The following HSH2D variants were observed in gnomAD, a reference collection of about 807,000 sequenced individuals.
The protein encoded by HSH2D is hematopoietic SH2 domain-containing protein.
A neutral mutation model predicts 21.5 loss-of-function variants in HSH2D; 16 were observed. The ratio of observed to expected loss-of-function variants is 0.74; its 90% CI spans 0.50 to 1.13. The LOEUF is 1.13. HSH2D is among the 50% of genes most tolerant of loss of function. The probability of loss-of-function intolerance (pLI) is 0.00; values close to 1 mark genes in which losing one functional copy is unlikely to be tolerated. For synonymous variants in HSH2D, 172 were observed against 184.7 expected (o/e 0.93, Z 0.56); for missense variants, 418 against 441.4 (o/e 0.95, Z 0.47).
intron 4 of HSH2D, among the ~76,000 whole-genome samples, chr19:16,153,591 G>A (rs2091194658): frequency 7.4e-6 from 1 of 136,014 alleles, no homozygotes; most frequent in Admixed American, 7.2e-5. Context: ...TGTGGGTGGA[G>A]CATCTTTCCT....
Position 16,157,785 on chromosome 19 carries a change from G to C in HSH2D, c.1050G>C (p.Gly350=), listed in dbSNP as rs373007965. 1 of 1,598,844 alleles carries C rather than the reference G, an allele frequency of 6.3e-7. No homozygotes were observed. Among genetic ancestry groups the C allele is most frequent in the Admixed American group, 1.7e-5 (1 of 58,864 alleles). ...AACAACCGCCACCCTTTGCCCCTGG[G>C]TACTGCTAGAGAACAGGTCCACCCT... ...EYQQPPPFAP[G]YC The change falls in exon 6 of 6, where the codon GGG becomes GGC. Residue 350 remains glycine, a synonymous_variant. Coordinates refer to ENST00000613986, the MANE Select transcript of HSH2D (RefSeq NM_001382417.1). This position sits in a 1 kb window ranked among gnomAD's most constrained non-coding sequence, Gnocchi z 4.4.
Position 16,157,610 on chromosome 19 carries a change from A to G in HSH2D, c.875A>G (p.Lys292Arg), listed in dbSNP as rs199804128. The change falls in exon 6 of 6, where the codon AAG becomes AGG. Residue 292 changes from lysine (K) to arginine (R), a missense_variant. Lys to Arg is a conservative substitution (Grantham distance 26). Transcript: ENST00000613986. The surrounding 1 kb of genome is among the most constrained non-coding windows in gnomAD (Gnocchi z 4.4). ...AAAGACAGAAAGGTCCCCACCAGGAAGGCCGAGAGGTCGGTCAGCTGCATT... is the reference window on the plus strand; with the variant it reads ...AAAGACAGAAAGGTCCCCACCAGGAGGGCCGAGAGGTCGGTCAGCTGCATT... ...APKDRKVPTR[K>R]AERSVSCIEV... The G allele has an allele frequency of 4.7e-3, 7,529 of 1,613,848 alleles. 38 individuals carry two copies. Among genetic ancestry groups the G allele is most frequent in the Middle Eastern group, 0.012 (72 of 6,060 alleles).
At chr19:16,137,458 T>A (rs2090971645) in intron 1 of HSH2D, among the ~76,000 whole-genome samples, 1 of 151,684 alleles carries the variant, frequency 6.6e-6, no homozygotes, top group African/African-American at 2.4e-5. Context: ...TGAAACCCCG[T>A]CTCTACTAAA....
upstream of HSH2D, among the ~76,000 whole-genome samples, chr19:16,143,037 G>A (rs2091015814): frequency 6.6e-6 from 1 of 152,160 alleles, no homozygotes; most frequent in Admixed American, 6.5e-5. Context: ...CCAAAGTGCT[G>A]GGATTACAGG....
chr19:16,140,665 A>G (rs190669958), upstream of HSH2D, among the ~76,000 whole-genome samples: 17 of 152,250 alleles, frequency 1.1e-4, no homozygotes, highest in Admixed American at 9.8e-4. Flanking sequence ...TGGGAGGCTG[A>G]GGCGGGAGGA....
Position 16,154,632 on chromosome 19 carries a change from T to C in HSH2D, c.474+141T>C, listed in dbSNP as rs139274114. 531 of 544,614 alleles carry C rather than the reference T, an allele frequency of 9.8e-4. 2 individuals carry two copies. The highest frequency in any genetic ancestry group is 9.4e-3 in the African/African-American group (488 of 52,180). The allele number at this position is 544,614 out of a possible 1,614,324, so 33.7% of individuals were successfully genotyped here. A position where few individuals can be genotyped will look rare whatever the true frequency, so the allele number is the denominator to read the frequency against. The stretch of plus-strand genomic sequence containing the variant: ...GTGCTTTAAACCTTTCCAGTGCTTT[T>C]GCAACACCGAGATTAAAATTCAAAC... On this transcript the variant is annotated intron_variant, in intron 5 of 5. Transcript: ENST00000613986.
At chr19:16,136,196 A>G (rs1433008250) in intron 1 of HSH2D, among the ~76,000 whole-genome samples, 2 of 152,148 alleles carry the variant, frequency 1.3e-5, no homozygotes, top group African/African-American at 4.8e-5. Context: ...CTAAAACTCA[A>G]AAGTCACCCC....
intron 3 of HSH2D, 141 bp downstream of exon 3, chr19:16,152,782 C>A: frequency 1.3e-6 from 1 of 777,486 alleles, no homozygotes; most frequent in Non-Finnish European, 2.2e-6. Context: ...AGCTGCTAGC[C>A]AAGCAATGAG....
At chr19:16,149,706 G>A (rs1599419337) in intron 2 of HSH2D, among the ~76,000 whole-genome samples, 1 of 150,944 alleles carries the variant, frequency 6.6e-6, no homozygotes, top group East Asian at 2.0e-4. Flanking sequence ...CCTGCCTCAT[G>A]AGTAGCTGGG....
chr19:16,138,538 C>T (rs1322121014), intron 1 of HSH2D, among the ~76,000 whole-genome samples: 1 of 149,370 alleles, frequency 6.7e-6, no homozygotes, highest in South Asian at 2.1e-4. Flanking sequence ...GCTCACTGCA[C>T]CCTCCGCCTC....
chr19:16,150,717 G>A (rs1388354934), intron 2 of HSH2D, among the ~76,000 whole-genome samples: 2 of 151,784 alleles, frequency 1.3e-5, no homozygotes, highest in Admixed American at 6.6e-5. Flanking sequence ...AAATTAGCCA[G>A]GCGTGTGGAA....
At chr19:16,147,659 G>A (rs1282770871) in intron 1 of HSH2D, among the ~76,000 whole-genome samples, 1 of 149,230 alleles carries the variant, frequency 6.7e-6, no homozygotes, top group Non-Finnish European at 1.5e-5. Flanking sequence ...GTTTTGTTTT[G>A]TTTTGAGACG....
chr19:16,157,931 T>C lies in HSH2D; in HGVS notation c.*137T>C, dbSNP rs370657637. 5.3e-4 allele frequency: 341 copies of C among 648,888 alleles called. 3 individuals carry two copies. In the South Asian group the frequency reaches 6.4e-3, roughly 12 times the overall value. The allele number at this position is 648,888 out of a possible 1,614,324, so 40.2% of individuals were successfully genotyped here. On this transcript the variant is annotated 3_prime_UTR_variant, in exon 6 of 6. Transcript: ENST00000613986. This position sits in a 1 kb window ranked among gnomAD's most constrained non-coding sequence, Gnocchi z 4.4. ...CCCGGGAAATGGAATAAAGATGTTT[T>C]TGGGGTCTGTTCCTGCACTCACCCA...
chr19:16,148,678 A>G, intron 1 of HSH2D, 46 bp from the exon 2 acceptor site: 8 of 1,564,092 alleles, frequency 5.1e-6, no homozygotes, highest in Non-Finnish European at 7.0e-6. Flanking sequence ...CAAAGATAAG[A>G]GGTGCATCAA....
chr19:16,134,935 G>C (rs1188645005), intron 1 of HSH2D, among the ~76,000 whole-genome samples: 1 of 143,768 alleles, frequency 7.0e-6, no homozygotes, highest in East Asian at 2.2e-4. Flanking sequence ...GACCATCCTG[G>C]ACAACATAGT....
chr19:16,148,669 A>G, intron 1 of HSH2D, 55 bp from the exon 2 acceptor site: 1 of 1,553,054 alleles, frequency 6.4e-7, no homozygotes, highest in Non-Finnish European at 8.9e-7. Flanking sequence ...AGAATAGAGC[A>G]AAGATAAGAG....
intron 1 of HSH2D, among the ~76,000 whole-genome samples, chr19:16,145,914 A>G (rs1464051784): frequency 6.6e-6 from 1 of 152,036 alleles, no homozygotes; most frequent in East Asian, 1.9e-4. Flanking sequence ...CATCCCTGCT[A>G]AAAATACAAA....
rs776093953 is a variant in HSH2D at position 16,157,205 on chromosome 19, T to C, written c.475-5T>C. 1 of 1,520,946 alleles carries C rather than the reference T, an allele frequency of 6.6e-7. No homozygotes were observed. The highest frequency in any genetic ancestry group is 8.8e-7 in the Non-Finnish European group (1 of 1,135,578). 94.2% of individuals were successfully genotyped at this position (1,520,946 alleles called of 1,614,324 possible). A position where few individuals can be genotyped will look rare whatever the true frequency, so the allele number is the denominator to read the frequency against. ...GCCCCAGGCCTCCCCTACTCTCATT[T>C]TCAGGCCTCCCCAAAGCCAGTCCTG... On this transcript the variant is annotated splice_region_variant and splice_polypyrimidine_tract_variant and intron_variant, in intron 5 of 5. Transcript: ENST00000613986. The surrounding 1 kb of genome is among the most constrained non-coding windows in gnomAD (Gnocchi z 4.4).
At position 16,157,779 on chromosome 19, in the gene HSH2D, C is replaced by T; in HGVS notation, c.1044C>T (p.Ala348=). 1.2e-6 allele frequency: 2 copies of T among 1,603,286 alleles called. No individual in the cohort carries two copies. Among genetic ancestry groups the T allele is most frequent in the South Asian group, 2.2e-5 (2 of 90,242 alleles). ...AGTACCAACAACCGCCACCCTTTGC[C>T]CCTGGGTACTGCTAGAGAACAGGTC... ...PEEYQQPPPF[A]PGYC The change falls in exon 6 of 6, where the codon GCC becomes GCT. Residue 348 remains alanine, a synonymous_variant. Coordinates refer to ENST00000613986, the MANE Select transcript of HSH2D (RefSeq NM_001382417.1). The surrounding 1 kb of genome is among the most constrained non-coding windows in gnomAD (Gnocchi z 4.4).
Sources: allele counts gnomAD v4.1 joint callset (sites outside exome capture counted in the v4.1 genomes callset), GRCh38; gene constraint gnomAD v4.1.1; non-coding constraint Gnocchi (gnomAD v3.1); transcripts MANE v1.5; gene names NCBI Gene and HGNC (gene_info 2026-07-23, HGNC 2026-07-21).